Variants in ARHGAP24 observed in about 807,000 individuals in gnomAD.
The protein encoded by ARHGAP24 is rho GTPase-activating protein 24.
Under a neutral mutation model 76.4 loss-of-function variants are expected in ARHGAP24, and 50 were observed. The ratio of observed to expected loss-of-function variants is 0.65; its 90% CI spans 0.52 to 0.83. ARHGAP24 has a LOEUF of 0.83. ARHGAP24 is among the 40% of genes least tolerant of loss of function. ARHGAP24 has a pLI of 0.00. For missense variants in ARHGAP24, 930 were observed against 914.2 expected (o/e 1.02, Z -0.22); for synonymous variants, 345 against 323.3 (o/e 1.07, Z -0.72).
chr4:85,967,010 G>C (rs1180600179), intron 5 of ARHGAP24, among the ~76,000 whole-genome samples: 1 of 152,020 alleles, frequency 6.6e-6, no homozygotes, highest in African/African-American at 2.4e-5. Context: ...AATTATGGTG[G>C]CATTTGGATT....
chr4:85,600,474 C>T (rs749018541), intron 2 of ARHGAP24, among the ~76,000 whole-genome samples: 1 of 152,038 alleles, frequency 6.6e-6, no homozygotes, highest in Admixed American at 6.6e-5. Context: ...GTGTTCTCCA[C>T]GTGAGAAGAG....
rs185571957 is a variant in ARHGAP24 at position 85,557,208 on chromosome 4, T to C, written c.-20-13314T>C. Among the ~76,000 whole-genome samples, 195 of 152,140 alleles carry C rather than the reference T, an allele frequency of 1.3e-3. 2 individuals carry two copies. The highest frequency in any genetic ancestry group is 3.2e-3 in the African/African-American group (131 of 41,542). On this transcript the variant is annotated intron_variant, in intron 1 of 9. Transcript: ENST00000395184. Reference sequence around the variant, plus strand: ...CACCCCAGGCCAATGGGCCTTATCCTGCAAGGTGCAGTGGAGGCATGGCTT... The same window carrying C: ...CACCCCAGGCCAATGGGCCTTATCCCGCAAGGTGCAGTGGAGGCATGGCTT...
chr4:85,958,581 G>C (rs185989118), intron 5 of ARHGAP24, among the ~76,000 whole-genome samples: 34 of 152,242 alleles, frequency 2.2e-4, no homozygotes, highest in Admixed American at 1.1e-3. Flanking sequence ...TATTATGAAA[G>C]TGTGTTTTTT....
rs573198205 is a variant in ARHGAP24 at position 85,987,226 on chromosome 4, C to T, written c.929-7357C>T. Reference sequence around the variant, plus strand: ...CGGTGGAGAGGAGGTATATAGGAACCGTCTGTACTTTCTGCTCAATTTTTC... The same window carrying T: ...CGGTGGAGAGGAGGTATATAGGAACTGTCTGTACTTTCTGCTCAATTTTTC... On this transcript the variant is annotated intron_variant, in intron 8 of 9. Coordinates refer to ENST00000395184, the MANE Select transcript of ARHGAP24 (RefSeq NM_001025616.3). 4.6e-5 allele frequency among the ~76,000 whole-genome samples: 7 copies of T among 152,076 alleles called. No individual in the cohort carries two copies. The East Asian group carries it at 5.8e-4, about 13-fold the overall frequency.
intron 2 of ARHGAP24, among the ~76,000 whole-genome samples, chr4:85,706,125 G>A (rs887340121): frequency 6.6e-6 from 1 of 152,172 alleles, no homozygotes; most frequent in African/African-American, 2.4e-5. Context: ...CAAGCTGGAT[G>A]AAGACAGAAT....
chr4:85,660,169 A>T (rs1278438474), intron 2 of ARHGAP24, among the ~76,000 whole-genome samples: 1 of 152,188 alleles, frequency 6.6e-6, no homozygotes, highest in Non-Finnish European at 1.5e-5. Context: ...ACTGTCTCTT[A>T]TTCCCTCCTT....
chr4:85,690,255 A>G (rs4485813), intron 2 of ARHGAP24, among the ~76,000 whole-genome samples: 152,249 of 152,318 alleles, frequency 1, 76,090 homozygotes, highest in African/African-American at 1. Context: ...ATTTATCAGA[A>G]ATAAAAGAAA....
intron 1 of ARHGAP24, among the ~76,000 whole-genome samples, chr4:85,562,907 T>C (rs1726655218): frequency 6.6e-6 from 1 of 152,126 alleles, no homozygotes. Flanking sequence ...GGAAGGGTAG[T>C]GAGGGTGACA....
intron 5 of ARHGAP24, among the ~76,000 whole-genome samples, chr4:85,953,639 T>TG (rs2148834553): frequency 7.3e-6 from 1 of 136,472 alleles, no homozygotes; most frequent in East Asian, 2.1e-4. Context: ...CCACAGGCGA[T>TG]TTTTTTTTTT....
chr4:85,664,381 G>T lies in ARHGAP24; in HGVS notation c.181-57504G>T, dbSNP rs1015454507. 4.0e-5 allele frequency among the ~76,000 whole-genome samples: 6 copies of T among 151,020 alleles called. 1 individual carries two copies. The highest frequency in any genetic ancestry group is 1.5e-4 in the African/African-American group (6 of 40,410). On this transcript the variant is annotated intron_variant, in intron 2 of 9. Coordinates refer to ENST00000395184, the MANE Select transcript of ARHGAP24 (RefSeq NM_001025616.3). ...TATCCCCTTTATCATTTTTCATTGT[G>T]TCTATTTGATTCTTCTCTCTTTTCT... is the stretch of plus-strand genomic sequence containing the variant.
At chr4:85,596,519 T>C (rs935030182) in intron 2 of ARHGAP24, among the ~76,000 whole-genome samples, 4 of 151,894 alleles carry the variant, frequency 2.6e-5, no homozygotes, top group Admixed American at 2.6e-4. Context: ...TTCTCAGGGG[T>C]TCAAGGAATT....
intron 1 of ARHGAP24, among the ~76,000 whole-genome samples, chr4:85,518,868 C>G (rs1724626300): frequency 1.3e-5 from 2 of 152,146 alleles, no homozygotes; most frequent in African/African-American, 4.8e-5. Context: ...TTCTTTTCCT[C>G]TGGGTAGATA....
intron 3 of ARHGAP24, among the ~76,000 whole-genome samples, chr4:85,895,121 T>C (rs1734104099): frequency 1.3e-5 from 2 of 151,494 alleles, no homozygotes; most frequent in Non-Finnish European, 2.9e-5. Context: ...GCTTGGGTGA[T>C]TACTGCACAG....
intron 2 of ARHGAP24, among the ~76,000 whole-genome samples, chr4:85,626,577 T>C (rs868288308): frequency 2.4e-4 from 37 of 152,186 alleles, no homozygotes; most frequent in Admixed American, 7.9e-4. Flanking sequence ...TCTCGAGGAG[T>C]AATTTTGTGG....
chr4:85,485,371 AAAAAAATATATATATATATATAT>A, intron 1 of ARHGAP24, among the ~76,000 whole-genome samples: 1 of 51,526 alleles, frequency 1.9e-5, no homozygotes, highest in African/African-American at 9.4e-5. Flanking sequence ...AAAAAAAAAA[AAAAAAATATATATATATATATAT>A]ATATATATAT....
chr4:85,977,723 A>G lies in ARHGAP24; in HGVS notation c.928+32A>G, dbSNP rs557738823. On this transcript the variant is annotated intron_variant, in intron 8 of 9. Transcript: ENST00000395184. The stretch of plus-strand genomic sequence containing the variant: ...AAATGATTATCTTATACCCTTATCA[A>G]AAGAAGAAGTAATTATCTCTTGACT... 3.1e-6 allele frequency: 5 copies of G among 1,609,838 alleles called. No individual in the cohort carries two copies. The Admixed American group carries it at 8.3e-5, about 27-fold the overall frequency.
At position 85,773,371 on chromosome 4, in the gene ARHGAP24, T is replaced by C. The variant is rs557645024; in HGVS notation, c.268+51399T>C. 2.0e-5 allele frequency among the ~76,000 whole-genome samples: 3 copies of C among 152,376 alleles called. No individual in the cohort carries two copies. The South Asian group carries it at 6.2e-4, about 32-fold the overall frequency. ...AAACCAAATTCCTGAGCCTGGCTTT[T>C]GCCTGTCTTCCTTTCTGCATACTTT... On this transcript the variant is annotated intron_variant, in intron 3 of 9. Transcript: ENST00000395184.
chr4:85,864,885 G>A (rs1732107355), intron 3 of ARHGAP24, among the ~76,000 whole-genome samples: 1 of 152,060 alleles, frequency 6.6e-6, no homozygotes, highest in African/African-American at 2.4e-5. Context: ...TCACTAAAAT[G>A]TCTTAAAAAT....
chr4:85,948,549 A>G (rs1737417776), intron 5 of ARHGAP24, among the ~76,000 whole-genome samples: 1 of 152,220 alleles, frequency 6.6e-6, no homozygotes, highest in Non-Finnish European at 1.5e-5. Flanking sequence ...TGTGCCCTGT[A>G]AGCAGTTATC....
Sources: gnomAD v4.1 joint callset for allele counts (sites outside exome capture counted in the v4.1 genomes callset) on GRCh38, gnomAD v4.1.1 for gene constraint, MANE v1.5 for transcripts, NCBI Gene and HGNC (gene_info 2026-07-23, HGNC 2026-07-21) for gene names.